INTS9: variants seen among roughly 807,000 people sequenced by gnomAD.
INTS9 encodes integrator complex subunit 9.
INTS9 carries 55 observed loss-of-function variants against 79.7 expected under a neutral mutation model. That is an observed-to-expected ratio of 0.69 (90% CI 0.56 to 0.86). The LOEUF is 0.86. Among genes scored for constraint, INTS9 ranks in the 40% least tolerant of loss-of-function variants. INTS9 has a pLI of 0.00. For missense variants in INTS9, 721 were observed against 831.5 expected, an observed-to-expected ratio of 0.87 and a Z score of 1.64; for synonymous variants, 319 against 325.2, an observed-to-expected ratio of 0.98 and a Z score of 0.20.
intron 1 of INTS9, among the ~76,000 whole-genome samples, chr8:28,876,219 G>A (rs1227954402): frequency 6.6e-6 from 1 of 152,052 alleles, no homozygotes; most frequent in Non-Finnish European, 1.5e-5. Context: ...TTCTTTTAAG[G>A]TCATAGAAAT....
At chr8:28,780,276 A>G (rs967051621) in intron 12 of INTS9, 1 of 303,122 alleles carries the variant, frequency 3.3e-6, no homozygotes, top group African/African-American at 2.3e-5. Context: ...AGGTCTGTGC[A>G]TAATTTCCAA....
At chr8:28,831,707 C>T (rs1806496414) in intron 6 of INTS9, among the ~76,000 whole-genome samples, 1 of 151,900 alleles carries the variant, frequency 6.6e-6, no homozygotes, top group African/African-American at 2.4e-5. Flanking sequence ...GGAAATATTG[C>T]CCTTTTTTTT....
intron 8 of INTS9, among the ~76,000 whole-genome samples, chr8:28,803,726 A>G (rs939228349): frequency 7.9e-5 from 12 of 152,206 alleles, no homozygotes; most frequent in African/African-American, 2.9e-4. Flanking sequence ...ATAGCTCTTA[A>G]TGTCAGGATT....
intron 1 of INTS9, among the ~76,000 whole-genome samples, chr8:28,881,421 G>C (rs1809788954): frequency 6.7e-6 from 1 of 148,886 alleles, no homozygotes; most frequent in Non-Finnish European, 1.5e-5. Context: ...CCGCCCGGGA[G>C]GGAGGTGGGG....
At chr8:28,790,832 T>G (rs144262052) in intron 10 of INTS9, among the ~76,000 whole-genome samples, 71 of 152,278 alleles carry the variant, frequency 4.7e-4, no homozygotes, top group African/African-American at 1.5e-3. Flanking sequence ...CCCCAACCTA[T>G]GACTCCAGCC....
At chr8:28,834,294 T>A (rs1265233442) in intron 6 of INTS9, among the ~76,000 whole-genome samples, 2 of 152,198 alleles carry the variant, frequency 1.3e-5, no homozygotes, top group African/African-American at 4.8e-5. Context: ...TTTACGCTGC[T>A]TCCAGAGTTA....
chr8:28,849,826 TAA>T (rs1563296034), intron 3 of INTS9, among the ~76,000 whole-genome samples: 8 of 152,308 alleles, frequency 5.3e-5, no homozygotes, highest in Admixed American at 4.6e-4. Context: ...TTGAGGATTT[TAA>T]AAGTTATTCA....
At chr8:28,834,648 G>C (rs1247485981) in intron 6 of INTS9, among the ~76,000 whole-genome samples, 5 of 150,656 alleles carry the variant, frequency 3.3e-5, no homozygotes, top group Non-Finnish European at 7.4e-5. Context: ...CAGTTTCTGA[G>C]TGCCTACAGC....
At chr8:28,797,873 T>C (rs1804311009) in intron 8 of INTS9, among the ~76,000 whole-genome samples, 1 of 152,238 alleles carries the variant, frequency 6.6e-6, no homozygotes, top group South Asian at 2.1e-4. Flanking sequence ...AAATTCCAAA[T>C]AATAGCAAAG....
In INTS9 at chr8:28,769,978, C is replaced by T. The variant is rs1802434215; in HGVS notation, c.1711G>A (p.Val571Met). 3 of 1,614,206 alleles carry T rather than the reference C, an allele frequency of 1.9e-6. No homozygotes were observed. The highest frequency in any genetic ancestry group is 1.3e-5 in the African/African-American group (1 of 75,068). ...QPTSGKKRKR[V>M]SDDVPDCKVL... is the part of the protein sequence containing the mutation. ...TTGCAGTCTGGTACGTCATCGCTCA[C>T]CCGCTTTCTCTTCTTCCCGCTCGTG... Residue 571 changes from valine to methionine, a missense_variant, in exon 16 of 17, where the codon GTG becomes ATG. Val to Met is a conservative substitution (Grantham distance 21). Transcript: ENST00000521022.
At chr8:28,772,692 A>G (rs1301594141) in intron 14 of INTS9, among the ~76,000 whole-genome samples, 3 of 152,126 alleles carry the variant, frequency 2.0e-5, no homozygotes, top group African/African-American at 7.2e-5. Flanking sequence ...CTGTAGTCCC[A>G]GATACTCGGG....
chr8:28,814,134 C>T (rs1157681726), intron 6 of INTS9, among the ~76,000 whole-genome samples: 2 of 150,900 alleles, frequency 1.3e-5, no homozygotes, highest in South Asian at 2.1e-4. Flanking sequence ...AACAGAAAAA[C>T]GTTTTATCAT....
Position 28,794,368 on chromosome 8 carries a change from G to A in INTS9, c.857-381C>T, listed in dbSNP as rs945480957. On this transcript the variant is annotated intron_variant, in intron 9 of 16. Transcript: ENST00000521022. ...TGAATGACCTATAAGAAAATAGGCC[G>A]AGTTTTTCTGTTTGACTAACGTTTG... 5.3e-5 allele frequency among the ~76,000 whole-genome samples: 8 copies of A among 152,156 alleles called. No homozygotes were observed. The South Asian group carries it at 6.2e-4, about 12-fold the overall frequency.
chr8:28,835,649 T>G (rs955289558), intron 5 of INTS9, among the ~76,000 whole-genome samples: 1 of 152,226 alleles, frequency 6.6e-6, no homozygotes, highest in African/African-American at 2.4e-5. Context: ...TTGTCTCTAA[T>G]CATAGAAATC....
At chr8:28,773,832 A>G (rs1802713993) in intron 14 of INTS9, among the ~76,000 whole-genome samples, 1 of 151,526 alleles carries the variant, frequency 6.6e-6, no homozygotes, top group Non-Finnish European at 1.5e-5. Context: ...GCTGAAATAT[A>G]TATTTTTTGA....
At chr8:28,887,538 A>C (rs1353710028) in intron 1 of INTS9, among the ~76,000 whole-genome samples, 2 of 152,260 alleles carry the variant, frequency 1.3e-5, no homozygotes, top group African/African-American at 2.4e-5. Context: ...AATGCTAAAC[A>C]AAATGTGTTT....
chr8:28,874,759 C>A (rs945282080), intron 1 of INTS9, among the ~76,000 whole-genome samples: 1 of 152,188 alleles, frequency 6.6e-6, no homozygotes, highest in Non-Finnish European at 1.5e-5. Context: ...TCTGCCCCTG[C>A]CCCACTTATA....
chr8:28,847,849 T>C (rs184683971), intron 3 of INTS9, among the ~76,000 whole-genome samples: 49 of 152,316 alleles, frequency 3.2e-4, no homozygotes, highest in Admixed American at 1.6e-3. Context: ...CTTATCCCCA[T>C]GGGGAAACTC....
chr8:28,804,201 C>G (rs1189283505), intron 8 of INTS9, among the ~76,000 whole-genome samples: 1 of 152,214 alleles, frequency 6.6e-6, no homozygotes, highest in African/African-American at 2.4e-5. Flanking sequence ...GTTGGGATTA[C>G]AGGCATGAGC....
Sources: allele counts gnomAD v4.1 joint callset (sites outside exome capture counted in the v4.1 genomes callset), GRCh38; gene constraint gnomAD v4.1.1; transcripts MANE v1.5; gene names NCBI Gene and HGNC (gene_info 2026-07-23, HGNC 2026-07-21).